The following EIF4ENIF1 variants were observed in gnomAD, a reference collection of about 807,000 sequenced individuals.
EIF4ENIF1 encodes eukaryotic translation initiation factor 4E nuclear import factor 1.
EIF4ENIF1 carries 23 observed loss-of-function variants against 110.5 expected under a neutral mutation model. That is an observed-to-expected ratio of 0.21 (90% CI 0.15 to 0.29). The LOEUF is 0.29. EIF4ENIF1 is among the 10% of genes least tolerant of loss of function. The pLI, the probability that EIF4ENIF1 is intolerant of heterozygous loss-of-function variation, is 1.00. For missense variants in EIF4ENIF1, 1,031 were observed against 1,221.1 expected (o/e 0.84, Z 2.32); for synonymous variants, 440 against 437.0 (o/e 1.01, Z -0.09).
chr22:31,444,019 A>T (rs1418685104), intron 15 of EIF4ENIF1, among the ~76,000 whole-genome samples: 1 of 151,974 alleles, frequency 6.6e-6, no homozygotes, highest in East Asian at 1.9e-4. Context: ...TCTGGTCTTG[A>T]ACTCCTGAAC....
intron 16 of EIF4ENIF1, 39 bp from the exon 17 acceptor site, chr22:31,442,157 T>TC: frequency 6.7e-7 from 1 of 1,488,586 alleles, no homozygotes; most frequent in South Asian, 1.2e-5. Context: ...GGCAAACCTC[T>TC]CCCAAACACT....
At position 31,488,742 on chromosome 22, in the gene EIF4ENIF1, G is replaced by A; in HGVS notation, c.-24C>T. ...ATGGCTCCTTGGTCTACAATGCTCT[G>A]CACCTGGAAGATAAATCGGCACAAA... On this transcript the variant is annotated 5_prime_UTR_variant, in exon 2 of 19. Coordinates refer to ENST00000330125, the MANE Select transcript of EIF4ENIF1 (RefSeq NM_019843.4). 1.3e-6 allele frequency: 2 copies of A among 1,599,870 alleles called. No homozygotes were observed. The highest frequency in any genetic ancestry group is 2.3e-5 in the South Asian group (2 of 88,786).
At chr22:31,480,732 G>C (rs1206843142) in intron 2 of EIF4ENIF1, among the ~76,000 whole-genome samples, 1 of 151,728 alleles carries the variant, frequency 6.6e-6, no homozygotes, top group Non-Finnish European at 1.5e-5. Context: ...TCCAGCCTGG[G>C]CAACAGGAAC....
chr22:31,487,037 T>C (rs967737141), intron 2 of EIF4ENIF1, among the ~76,000 whole-genome samples: 2 of 151,626 alleles, frequency 1.3e-5, no homozygotes, highest in Non-Finnish European at 1.5e-5. Flanking sequence ...GCCATTGCAC[T>C]CCAGCCTGGG....
At chr22:31,467,255 C>T (rs1020582644) in intron 4 of EIF4ENIF1, among the ~76,000 whole-genome samples, 2 of 152,116 alleles carry the variant, frequency 1.3e-5, no homozygotes, top group African/African-American at 4.8e-5. Flanking sequence ...AGTGTACTGA[C>T]AGACTGTGTA....
At chr22:31,485,717 T>C (rs7287648) in intron 2 of EIF4ENIF1, among the ~76,000 whole-genome samples, 7,467 of 151,964 alleles carry the variant, frequency 0.049, 214 homozygotes, top group South Asian at 0.082. Flanking sequence ...GGCAGGAGAA[T>C]TGCTTGAACC....
chr22:31,457,525 T>C (rs1036894453), intron 7 of EIF4ENIF1, among the ~76,000 whole-genome samples: 5 of 152,276 alleles, frequency 3.3e-5, no homozygotes, highest in East Asian at 1.9e-4. Context: ...ACAGAAAACA[T>C]GCTTTTTCAA....
intron 4 of EIF4ENIF1, among the ~76,000 whole-genome samples, chr22:31,465,393 A>G (rs2051152191): frequency 6.6e-6 from 1 of 152,058 alleles, no homozygotes; most frequent in Non-Finnish European, 1.5e-5. Context: ...TTCACCAAAG[A>G]GGTTATGTGG....
intron 2 of EIF4ENIF1, among the ~76,000 whole-genome samples, chr22:31,476,980 C>CAA (rs574308270): frequency 1.9e-3 from 98 of 51,114 alleles, no homozygotes; most frequent in African/African-American, 3.6e-3. Flanking sequence ...GACCCTGTCT[C>CAA]AAAAAAAAAA....
At chr22:31,439,148 C>G (rs186057955), downstream of EIF4ENIF1, among the ~76,000 whole-genome samples, 1 of 152,200 alleles carries the variant, frequency 6.6e-6, no homozygotes, top group East Asian at 1.9e-4. Context: ...AAGACCCTGC[C>G]TCTACAAAAA....
chr22:31,446,931 A>G (rs973158415), intron 14 of EIF4ENIF1: 2 of 455,670 alleles, frequency 4.4e-6, no homozygotes, highest in Non-Finnish European at 9.0e-6. Flanking sequence ...AGCTCTGATC[A>G]ACAAACCTGT....
chr22:31,453,512 T>A (rs1893933931), intron 10 of EIF4ENIF1: 1 of 220,792 alleles, frequency 4.5e-6, no homozygotes, highest in Non-Finnish European at 9.3e-6. Flanking sequence ...GTAGCTGAGA[T>A]TACAGGCGCA....
chr22:31,491,355 C>CT (rs946816301), upstream of EIF4ENIF1, among the ~76,000 whole-genome samples: 31 of 152,282 alleles, frequency 2.0e-4, no homozygotes, highest in African/African-American at 6.3e-4. Context: ...GGAAACAGGT[C>CT]TAATCCCCTT....
chr22:31,455,346 A>C, intron 8 of EIF4ENIF1, 31 bp from the exon 9 acceptor site: 1 of 1,475,824 alleles, frequency 6.8e-7, no homozygotes, highest in South Asian at 1.5e-5. Context: ...ACTCAAAATT[A>C]ATCTGTTCCA....
Position 31,442,054 on chromosome 22 carries a change from G to A in EIF4ENIF1, c.2271C>T (p.Ser757=). The part of the protein sequence containing the change: ...ADRDSSPTTN[S]KLSALQRSSC... ...AAGACCTCTGTAATGCTGACAGTTT[G>A]GAATTTGTAGTGGGAGAAGAGTCTC... The change falls in exon 17 of 19, where the codon TCC becomes TCT. Residue 757 remains serine, a synonymous_variant. Transcript: ENST00000330125. 6.2e-7 allele frequency: 1 copy of A among 1,614,188 alleles called. No individual in the cohort carries two copies. The highest frequency in any genetic ancestry group is 8.5e-7 in the Non-Finnish European group (1 of 1,180,046).
chr22:31,485,210 A>G (rs2051974059), intron 2 of EIF4ENIF1, among the ~76,000 whole-genome samples: 2 of 152,320 alleles, frequency 1.3e-5, no homozygotes, highest in South Asian at 2.1e-4. Flanking sequence ...ATTTGGTAGA[A>G]AAGACTTAAA....
rs1344686637 is a variant in EIF4ENIF1 at position 31,471,614 on chromosome 22, G to A, written c.170+230C>T. ...CAGGCATAAGCCACCATGCCCTGTCGGGTTCAAGTCTTAATTCTGCTTTCT... is the reference window on the plus strand; with the variant it reads ...CAGGCATAAGCCACCATGCCCTGTCAGGTTCAAGTCTTAATTCTGCTTTCT... On this transcript the variant is annotated intron_variant, in intron 3 of 18. Coordinates refer to ENST00000330125, the MANE Select transcript of EIF4ENIF1 (RefSeq NM_019843.4). 3.3e-5 allele frequency among the ~76,000 whole-genome samples: 5 copies of A among 152,090 alleles called. No homozygotes were observed. In the South Asian group the frequency reaches 6.2e-4, roughly 19 times the overall value.
intron 6 of EIF4ENIF1, among the ~76,000 whole-genome samples, chr22:31,459,120 G>A (rs2050915515): frequency 6.6e-6 from 1 of 151,950 alleles, no homozygotes; most frequent in Non-Finnish European, 1.5e-5. Context: ...TAGAGACTGA[G>A]TCTCGCTAAA....
chr22:31,439,752 T>C lies in EIF4ENIF1; in HGVS notation c.*128A>G. The C allele has an allele frequency of 7.4e-7, 1 of 1,355,234 alleles. No homozygotes were observed. Among genetic ancestry groups the C allele is most frequent in the Non-Finnish European group, 9.9e-7 (1 of 1,010,948 alleles). The allele number at this position is 1,355,234 out of a possible 1,614,324, so 84.0% of individuals were successfully genotyped here. On this transcript the variant is annotated 3_prime_UTR_variant, in exon 19 of 19. Transcript: ENST00000330125. ...CATAATGCGGACCACACCAGATGCA[T>C]GGGTTCCACCAAACAGCTTCACACA...
Sources: allele counts gnomAD v4.1 joint callset (sites outside exome capture counted in the v4.1 genomes callset), GRCh38; gene constraint gnomAD v4.1.1; transcripts MANE v1.5; gene names NCBI Gene and HGNC (gene_info 2026-07-23, HGNC 2026-07-21).